Variants in PCDHGB3 observed in about 807,000 individuals in gnomAD.
PCDHGB3 encodes the protein protocadherin gamma subfamily B, 3, also known as protocadherin gamma-B3.
Under a neutral mutation model 59.2 loss-of-function variants are expected in PCDHGB3, and 40 were observed. That is an observed-to-expected ratio of 0.68 (90% CI 0.52 to 0.88). The LOEUF (loss-of-function observed/expected upper bound fraction) is 0.88. PCDHGB3 is among the 40% of genes least tolerant of loss of function. PCDHGB3 has a pLI of 0.00. For missense variants in PCDHGB3, 1,309 were observed against 1,187.9 expected, an observed-to-expected ratio of 1.10 and a Z score of -1.50; for synonymous variants, 581 against 503.6, an observed-to-expected ratio of 1.15 and a Z score of -2.06.
intron 1 of PCDHGB3, chr5:141,413,152 G>C: frequency 1.3e-6 from 2 of 1,574,694 alleles, no homozygotes; most frequent in Non-Finnish European, 1.7e-6. Flanking sequence ...TGAGGACTTT[G>C]CAGAATTCTG....
intron 1 of PCDHGB3, chr5:141,420,003 T>C: frequency 6.2e-7 from 1 of 1,614,100 alleles, no homozygotes; most frequent in Non-Finnish European, 8.5e-7. Flanking sequence ...GCTCTACGCC[T>C]GCGACAGTCT....
chr5:141,412,634 A>G (rs1322492563), intron 1 of PCDHGB3: 1 of 152,256 alleles, frequency 6.6e-6, no homozygotes, highest in African/African-American at 2.4e-5. Flanking sequence ...TTAAATTATA[A>G]GACTTTTCTG....
chr5:141,408,973 T>G lies in PCDHGB3; in HGVS notation c.2415+36164T>G, dbSNP rs754120948. 4.3e-5 allele frequency: 70 copies of G among 1,613,718 alleles called. No homozygotes were observed. In the Admixed American group the frequency reaches 6.5e-4, roughly 15 times the overall value. ...TTAGTCTTAGTGAAAATCTGCCCCC[T>G]GGGTCCCCTGTGTTGCAAGTGACAG... On this transcript the variant is annotated intron_variant, in intron 1 of 3. Transcript: ENST00000576222.
chr5:141,461,216 T>C (rs1050704259), intron 1 of PCDHGB3, among the ~76,000 whole-genome samples: 2 of 152,168 alleles, frequency 1.3e-5, no homozygotes, highest in African/African-American at 4.8e-5. Flanking sequence ...ATCTCCATAC[T>C]GTTTTCCATA....
At chr5:141,422,966 C>A (rs762530904) in intron 1 of PCDHGB3, 1 of 1,614,112 alleles carries the variant, frequency 6.2e-7, no homozygotes, top group Admixed American at 1.7e-5. Flanking sequence ...GAGCTGGCGC[C>A]CCGCTCTGCG....
chr5:141,385,339 C>T (rs1379260130), intron 1 of PCDHGB3: 1 of 1,570,014 alleles, frequency 6.4e-7, no homozygotes, highest in African/African-American at 1.4e-5. Flanking sequence ...CCCAGCCCTT[C>T]CTTTATTTCC....
chr5:141,434,132 G>A (rs2097674012), intron 1 of PCDHGB3, among the ~76,000 whole-genome samples: 1 of 152,194 alleles, frequency 6.6e-6, no homozygotes, highest in South Asian at 2.1e-4. Context: ...CCTTTAGGCT[G>A]ATTTCTATGT....
intron 1 of PCDHGB3, chr5:141,374,245 G>C: frequency 2.5e-6 from 4 of 1,613,980 alleles, no homozygotes; most frequent in Non-Finnish European, 3.4e-6. Flanking sequence ...ATCTGGGACT[G>C]GAGCCCCAGG....
chr5:141,429,879 A>T (rs2097250861), intron 1 of PCDHGB3, among the ~76,000 whole-genome samples: 1 of 152,210 alleles, frequency 6.6e-6, no homozygotes, highest in African/African-American at 2.4e-5. Context: ...TCTTTTACTA[A>T]GTTTCCTGAA....
At chr5:141,392,584 C>T (rs1252723609) in intron 1 of PCDHGB3, 1 of 473,072 alleles carries the variant, frequency 2.1e-6, no homozygotes, top group African/African-American at 2.0e-5. Context: ...CTGTAAGCGC[C>T]GCTGTTCACC....
At chr5:141,481,811 G>A (rs1050821120) in intron 1 of PCDHGB3, among the ~76,000 whole-genome samples, 1 of 151,892 alleles carries the variant, frequency 6.6e-6, no homozygotes. Context: ...AATTCACCAG[G>A]CGTGGTGGCT....
chr5:141,427,928 G>A (rs1178662640), intron 1 of PCDHGB3: 2 of 1,583,504 alleles, frequency 1.3e-6, no homozygotes. Flanking sequence ...GCCGGCGCAT[G>A]TTGGTGGGCG....
At chr5:141,412,139 T>C (rs1380576842) in intron 1 of PCDHGB3, 1 of 152,250 alleles carries the variant, frequency 6.6e-6, no homozygotes, top group Non-Finnish European at 1.5e-5. Flanking sequence ...TGGCCTCTGA[T>C]ACAAACTGCC....
chr5:141,506,994 G>A (rs1053891468), intron 3 of PCDHGB3: 1 of 152,126 alleles, frequency 6.6e-6, no homozygotes, highest in Non-Finnish European at 1.5e-5. Context: ...TCTCACACTC[G>A]ACAGATGAGA....
chr5:141,421,905 A>C, intron 1 of PCDHGB3: 1 of 1,613,752 alleles, frequency 6.2e-7, no homozygotes, highest in Non-Finnish European at 8.5e-7. Context: ...GAAAGGGCGC[A>C]GTTCCCATTC....
chr5:141,392,855 C>T (rs756361613), intron 1 of PCDHGB3: 1 of 1,612,176 alleles, frequency 6.2e-7, no homozygotes, highest in Non-Finnish European at 8.5e-7. Flanking sequence ...GCGAGCTGAT[C>T]CTGCTGTGCG....
chr5:141,466,494 G>C (rs1186331329), intron 1 of PCDHGB3, among the ~76,000 whole-genome samples: 4 of 152,134 alleles, frequency 2.6e-5, no homozygotes. Context: ...TCTTTAATTA[G>C]AGCACAGACA....
At chr5:141,398,284 G>A (rs1462851627) in intron 1 of PCDHGB3, 1 of 1,400,106 alleles carries the variant, frequency 7.1e-7, no homozygotes, top group Non-Finnish European at 9.8e-7. Flanking sequence ...CCTCGCCACG[G>A]ACCTGGGGTT....
chr5:141,420,286 A>C, intron 1 of PCDHGB3: 1 of 1,505,774 alleles, frequency 6.6e-7, no homozygotes, highest in Non-Finnish European at 8.9e-7. Flanking sequence ...TAAGTATTTA[A>C]AAATGTATTT....
Sources: allele counts gnomAD v4.1 joint callset (sites outside exome capture counted in the v4.1 genomes callset), GRCh38; gene constraint gnomAD v4.1.1; transcripts MANE v1.5; gene names NCBI Gene and HGNC (gene_info 2026-07-23, HGNC 2026-07-21).